Variants in PSKH1 observed in about 807,000 individuals in gnomAD.
The protein encoded by PSKH1 is protein serine kinase H1.
Under a neutral mutation model 26.7 loss-of-function variants are expected in PSKH1, and 12 were observed. The ratio of observed to expected loss-of-function variants is 0.45; its 90% CI spans 0.29 to 0.73. The LOEUF (loss-of-function observed/expected upper bound fraction) is 0.73. Ranked by LOEUF, PSKH1 falls within the 30% of genes least tolerant of loss-of-function variation. PSKH1 has a pLI of 0.11. For missense variants in PSKH1, 431 were observed against 595.2 expected, an observed-to-expected ratio of 0.72 and a Z score of 2.87; for synonymous variants, 213 against 234.3, an observed-to-expected ratio of 0.91 and a Z score of 0.83.
intron 1 of PSKH1, among the ~76,000 whole-genome samples, chr16:67,905,420 A>G (rs2058153524): frequency 6.6e-6 from 1 of 152,180 alleles, no homozygotes; most frequent in Non-Finnish European, 1.5e-5. Context: ...CTGAAACACC[A>G]TTCCCACCTT....
chr16:67,920,538 C>A (rs768963819), intron 2 of PSKH1, among the ~76,000 whole-genome samples: 2 of 152,150 alleles, frequency 1.3e-5, no homozygotes, highest in African/African-American at 4.8e-5. Flanking sequence ...AGATTAAAGG[C>A]GTGAGCCACT....
rs2058167816 is a variant in PSKH1 at position 67,909,703 on chromosome 16, G to A, written c.954G>A (p.Gly318=). 1 of 1,609,668 alleles carries A rather than the reference G, an allele frequency of 6.2e-7. No individual in the cohort carries two copies. Residue 318 remains glycine, a synonymous_variant, in exon 2 of 3, where the codon GGG becomes GGA. Transcript: ENST00000291041. The surrounding 1 kb of genome is among the most constrained non-coding windows in gnomAD (Gnocchi z 7.8). ...QILRGKYSYS[G]EPWPSVSNLA... is the part of the protein sequence containing the mutation. ...TCAGGGGCAAGTACAGTTACTCTGGGGAGGTGAGTCTGTCCTGCCCCTGTC... is the reference window on the plus strand; with the variant it reads ...TCAGGGGCAAGTACAGTTACTCTGGAGAGGTGAGTCTGTCCTGCCCCTGTC...
At chr16:67,911,931 G>A (rs1045296386) in intron 2 of PSKH1, among the ~76,000 whole-genome samples, 3 of 152,246 alleles carry the variant, frequency 2.0e-5, no homozygotes, top group Non-Finnish European at 2.9e-5. Context: ...GCACAAGGGA[G>A]GGTATCTGTT....
intron 1 of PSKH1, among the ~76,000 whole-genome samples, chr16:67,894,608 CTCCTCTATA>C (rs1186830578): frequency 2.0e-5 from 3 of 152,204 alleles, no homozygotes; most frequent in African/African-American, 7.2e-5. Flanking sequence ...TAACCATTAA[CTCCTCTATA>C]TCCATGCTGC....
intron 2 of PSKH1, among the ~76,000 whole-genome samples, chr16:67,916,146 A>AT (rs2058187312): frequency 6.6e-6 from 1 of 152,192 alleles, no homozygotes; most frequent in Non-Finnish European, 1.5e-5. Context: ...CATGTAAGTG[A>AT]GCAAGCCTCT....
Position 67,909,081 on chromosome 16 carries a change from G to A in PSKH1, c.332G>A (p.Arg111Gln), listed in dbSNP as rs1332605943. The change falls in exon 2 of 3, where the codon CGA becomes CAA. Residue 111 changes from arginine (R) to glutamine (Q), a missense_variant. Coordinates refer to ENST00000291041, the MANE Select transcript of PSKH1 (RefSeq NM_006742.3). This position sits in a 1 kb window ranked among gnomAD's most constrained non-coding sequence, Gnocchi z 7.8. ...KALIGRGSFS[R>Q]VVRVEHRATR... ...CTAATTGGCCGAGGCAGCTTCAGCCGAGTGGTACGTGTAGAGCACCGGGCA... is the reference window on the plus strand; with the variant it reads ...CTAATTGGCCGAGGCAGCTTCAGCCAAGTGGTACGTGTAGAGCACCGGGCA... The A allele has an allele frequency of 1.9e-6, 3 of 1,614,070 alleles. No individual in the cohort carries two copies. The highest frequency in any genetic ancestry group is 2.2e-5 in the East Asian group (1 of 44,894).
chr16:67,912,905 G>C (rs1186907453), intron 2 of PSKH1, among the ~76,000 whole-genome samples: 1 of 152,034 alleles, frequency 6.6e-6, no homozygotes, highest in Non-Finnish European at 1.5e-5. Context: ...CCTCTCCCAG[G>C]CTGGGCATGG....
In PSKH1 at chr16:67,927,899, C is replaced by T. The variant is rs992883483; in HGVS notation, c.*257C>T. The T allele has an allele frequency of 9.3e-6, 5 of 535,794 alleles. No homozygotes were observed. Among genetic ancestry groups the T allele is most frequent in the East Asian group, 3.1e-5 (1 of 32,162 alleles). The allele number at this position is 535,794 out of a possible 1,614,324, so 33.2% of individuals were successfully genotyped here. On this transcript the variant is annotated 3_prime_UTR_variant, in exon 3 of 3. Coordinates refer to ENST00000291041, the MANE Select transcript of PSKH1 (RefSeq NM_006742.3). This position sits in a 1 kb window ranked among gnomAD's most constrained non-coding sequence, Gnocchi z 5.5. ...AGCCTGGCCTGGCACTGATACCCCT[C>T]TTGGTGGGCAGCTGCTCTGGTGGAG...
Position 67,908,812 on chromosome 16 carries a change from C to G in PSKH1, c.63C>G (p.Val21=). 1 of 1,612,938 alleles carries G rather than the reference C, an allele frequency of 6.2e-7. No homozygotes were observed. The highest frequency in any genetic ancestry group is 8.5e-7 in the Non-Finnish European group (1 of 1,179,298). The part of the protein sequence containing the change: ...EPPKDVQLDL[V]KKVEPFSGTK... ...CCAAGGATGTCCAGCTGGATCTGGT[C>G]AAGAAGGTGGAGCCCTTCAGTGGCA... is the stretch of plus-strand genomic sequence containing the variant. The change falls in exon 2 of 3, where the codon GTC becomes GTG. Residue 21 remains valine (V), a synonymous_variant. Coordinates refer to ENST00000291041, the MANE Select transcript of PSKH1 (RefSeq NM_006742.3).
chr16:67,903,704 T>G (rs1160054193), intron 1 of PSKH1, among the ~76,000 whole-genome samples: 1 of 152,010 alleles, frequency 6.6e-6, no homozygotes, highest in Non-Finnish European at 1.5e-5. Flanking sequence ...AATCTGTGCT[T>G]CTTGCTACAC....
At chr16:67,923,255 C>T (rs984327026) in intron 2 of PSKH1, among the ~76,000 whole-genome samples, 1 of 152,150 alleles carries the variant, frequency 6.6e-6, no homozygotes, top group Non-Finnish European at 1.5e-5. Flanking sequence ...GGCATCTTTG[C>T]TGTTCCAACA....
At position 67,909,939 on chromosome 16, in the gene PSKH1, A is replaced by G. The variant is rs1237298536; in HGVS notation, c.957+233A>G. 12 of 573,230 alleles carry G rather than the reference A, an allele frequency of 2.1e-5. No individual in the cohort carries two copies. The Admixed American group carries it at 3.3e-4, about 16-fold the overall frequency. The allele number at this position is 573,230 out of a possible 1,614,324, so 35.5% of individuals were successfully genotyped here. Reference sequence around the variant, plus strand: ...TATTTGGGATGTGATTTGAGTAACTAAAAGTGAAGGAGTGGGAAAAGTGAG... The same window carrying G: ...TATTTGGGATGTGATTTGAGTAACTGAAAGTGAAGGAGTGGGAAAAGTGAG... On this transcript the variant is annotated intron_variant, in intron 2 of 2. Transcript: ENST00000291041. This position sits in a 1 kb window ranked among gnomAD's most constrained non-coding sequence, Gnocchi z 7.8.
intron 1 of PSKH1, among the ~76,000 whole-genome samples, chr16:67,900,838 G>A (rs1443189729): frequency 6.6e-6 from 1 of 152,100 alleles, no homozygotes; most frequent in Non-Finnish European, 1.5e-5. Flanking sequence ...TGACACTCCT[G>A]GGAAGTCTCT....
intron 1 of PSKH1, among the ~76,000 whole-genome samples, chr16:67,907,130 A>AT (rs1567398723): frequency 1.3e-5 from 2 of 149,706 alleles, no homozygotes; most frequent in East Asian, 2.0e-4. Context: ...CGCCCGGCTA[A>AT]TTTTTTGTAT....
chr16:67,912,728 C>T (rs1370409525), intron 2 of PSKH1, among the ~76,000 whole-genome samples: 2 of 151,982 alleles, frequency 1.3e-5, no homozygotes, highest in Non-Finnish European at 2.9e-5. Flanking sequence ...ATTAGCCGGG[C>T]GTGGTGGCAC....
chr16:67,899,497 G>A (rs1354610015), intron 1 of PSKH1, among the ~76,000 whole-genome samples: 3 of 151,368 alleles, frequency 2.0e-5, no homozygotes, highest in African/African-American at 7.3e-5. Context: ...CACCACACCG[G>A]GCTAATTTTT....
rs554931762 is a variant in PSKH1 at position 67,896,883 on chromosome 16, C to T, written c.-71+3512C>T. On this transcript the variant is annotated intron_variant, in intron 1 of 2. Coordinates refer to ENST00000291041, the MANE Select transcript of PSKH1 (RefSeq NM_006742.3). ...GACACTGAGCTCCAGTTGCACTTCA[C>T]CTCAGGCATCTGGTTGGCATCTAGA... Among the ~76,000 whole-genome samples, 176 of 152,308 alleles carry T rather than the reference C, an allele frequency of 1.2e-3. 1 individual carries two copies. Among genetic ancestry groups the T allele is most frequent in the Admixed American group, 1.5e-3 (23 of 15,284 alleles).
intron 2 of PSKH1, among the ~76,000 whole-genome samples, chr16:67,924,826 C>T (rs1347503288): frequency 6.6e-6 from 1 of 152,134 alleles, no homozygotes; most frequent in African/African-American, 2.4e-5. Context: ...TGTGTGTGTG[C>T]TGTCTCCATC....
intron 2 of PSKH1, among the ~76,000 whole-genome samples, chr16:67,913,181 C>T (rs2058177938): frequency 1.3e-5 from 2 of 151,828 alleles, no homozygotes; most frequent in Non-Finnish European, 2.9e-5. Context: ...GAGTCTTGCC[C>T]TGTTACCCAG....
Sources: gnomAD v4.1 joint callset for allele counts (sites outside exome capture counted in the v4.1 genomes callset) on GRCh38, gnomAD v4.1.1 for gene constraint, Gnocchi (gnomAD v3.1) non-coding constraint, MANE v1.5 for transcripts, NCBI Gene and HGNC (gene_info 2026-07-23, HGNC 2026-07-21) for gene names.